INTS4: variants seen among roughly 807,000 people sequenced by gnomAD.
INTS4 encodes integrator complex subunit 4.
A neutral mutation model predicts 119.5 loss-of-function variants in INTS4; 70 were observed. The ratio of observed to expected loss-of-function variants is 0.59; its 90% CI spans 0.48 to 0.71. INTS4 has a LOEUF of 0.71. Among genes scored for constraint, INTS4 ranks in the 30% least tolerant of loss-of-function variants. The pLI, the probability that INTS4 is intolerant of heterozygous loss-of-function variation, is 0.00. For missense variants in INTS4, 867 were observed against 1,173.2 expected, an observed-to-expected ratio of 0.74 and a Z score of 3.81; for synonymous variants, 316 against 419.6, an observed-to-expected ratio of 0.75 and a Z score of 3.02.
At chr11:77,981,867 C>T (rs1327231325) in intron 2 of INTS4, among the ~76,000 whole-genome samples, 1 of 151,970 alleles carries the variant, frequency 6.6e-6, no homozygotes, top group African/African-American at 2.4e-5. Flanking sequence ...ACAGCTTTCT[C>T]AGTTGATACA....
chr11:77,895,089 T>C (rs1053597605), intron 18 of INTS4, among the ~76,000 whole-genome samples: 13 of 152,142 alleles, frequency 8.5e-5, no homozygotes, highest in Admixed American at 2.0e-4. Context: ...CTTGAATTAC[T>C]TGGCCTCACA....
chr11:77,897,420 G>T (rs906629036), intron 18 of INTS4, among the ~76,000 whole-genome samples: 6 of 151,136 alleles, frequency 4.0e-5, no homozygotes, highest in African/African-American at 1.2e-4. Flanking sequence ...AACTTTAAAA[G>T]ATTATATTTA....
intron 2 of INTS4, among the ~76,000 whole-genome samples, chr11:77,990,351 A>G (rs556726782): frequency 2.0e-5 from 3 of 152,226 alleles, no homozygotes; most frequent in African/African-American, 7.2e-5. Context: ...TGATGATGCC[A>G]CTAAACTCTA....
chr11:77,898,974 C>T (rs554055138), intron 18 of INTS4, among the ~76,000 whole-genome samples: 4 of 152,230 alleles, frequency 2.6e-5, no homozygotes, highest in East Asian at 3.9e-4. Context: ...GAGTTGAGAT[C>T]GTGCCACTGC....
chr11:77,938,919 G>A, intron 9 of INTS4, 94 bp from the exon 10 acceptor site: 1 of 848,148 alleles, frequency 1.2e-6, no homozygotes, highest in Non-Finnish European at 1.8e-6. Flanking sequence ...AAATAAAACT[G>A]CTCTTTGAGA....
At chr11:77,931,958 T>TA (rs1328912871) in intron 10 of INTS4, among the ~76,000 whole-genome samples, 1 of 152,232 alleles carries the variant, frequency 6.6e-6, no homozygotes, top group Non-Finnish European at 1.5e-5. Flanking sequence ...ATTAAAGACT[T>TA]AAACATAAGA....
At chr11:77,988,132 T>C (rs1434522493) in intron 2 of INTS4, among the ~76,000 whole-genome samples, 1 of 152,242 alleles carries the variant, frequency 6.6e-6, no homozygotes, top group Non-Finnish European at 1.5e-5. Context: ...GAAACATTTA[T>C]AATGTCCCTT....
chr11:77,972,969 T>G (rs1591129107), intron 4 of INTS4, among the ~76,000 whole-genome samples: 1 of 151,760 alleles, frequency 6.6e-6, no homozygotes, highest in South Asian at 2.1e-4. Context: ...GCTTCCCAAA[T>G]AGCGGAGACA....
Position 77,891,428 on chromosome 11 carries a change from G to C in INTS4, c.2483C>G (p.Ala828Gly). 1.9e-6 allele frequency: 3 copies of C among 1,613,598 alleles called. No homozygotes were observed. The highest frequency in any genetic ancestry group is 2.5e-6 in the Non-Finnish European group (3 of 1,179,754). The change falls in exon 21 of 23, where the codon GCG becomes GGG. Residue 828 changes from alanine to glycine, a missense_variant. By Grantham distance (60) the Ala-to-Gly change is moderately conservative. This residue lies in a region of INTS4 where 262 missense variants were observed against 376.0 expected (regional missense o/e 0.70). Coordinates refer to ENST00000534064, the MANE Select transcript of INTS4 (RefSeq NM_033547.4). Reference sequence around the variant, plus strand: ...CCGCAAAGGGTTGTCTGACTCGCCCGCTGGCTCGATGATGGTGGCTGAGGC... The same window carrying C: ...CCGCAAAGGGTTGTCTGACTCGCCCCCTGGCTCGATGATGGTGGCTGAGGC... ...HKASATIIEP[A>G]GESDNPLRFT...
chr11:77,933,177 T>C (rs1337858986), intron 10 of INTS4, among the ~76,000 whole-genome samples: 2 of 152,036 alleles, frequency 1.3e-5, no homozygotes, highest in Non-Finnish European at 2.9e-5. Context: ...ATGTTAAAAG[T>C]GGCCCTCTCC....
At chr11:77,920,618 C>T (rs1348557583) in intron 14 of INTS4, among the ~76,000 whole-genome samples, 4 of 151,626 alleles carry the variant, frequency 2.6e-5, no homozygotes, top group Admixed American at 6.6e-5. Context: ...TTTGGGAGGC[C>T]GAGGCAGGCA....
chr11:77,980,729 G>A (rs1856172819), intron 3 of INTS4, among the ~76,000 whole-genome samples: 2 of 152,100 alleles, frequency 1.3e-5, no homozygotes, highest in African/African-American at 4.8e-5. Flanking sequence ...AGTGGCTCAC[G>A]CCTGTAATTC....
intron 18 of INTS4, among the ~76,000 whole-genome samples, chr11:77,894,616 A>C (rs192706047): frequency 6.6e-6 from 1 of 152,346 alleles, no homozygotes; most frequent in African/African-American, 2.4e-5. Context: ...CACTAGACTC[A>C]CTACGAATAC....
At chr11:77,883,767 C>T (rs944464979) in intron 22 of INTS4, 65 bp downstream of exon 22, 24 of 1,544,740 alleles carry the variant, frequency 1.6e-5, no homozygotes, top group African/African-American at 1.4e-4. Flanking sequence ...AAAAACCAAA[C>T]GCTTAAGGGT....
chr11:77,932,063 C>T (rs187290779), intron 10 of INTS4, among the ~76,000 whole-genome samples: 15 of 152,214 alleles, frequency 9.9e-5, no homozygotes, highest in East Asian at 3.9e-4. Context: ...CCAAAAGCAA[C>T]GGCAATGAAG....
At chr11:77,902,400 G>A (rs1001773445) in intron 17 of INTS4, among the ~76,000 whole-genome samples, 1 of 152,114 alleles carries the variant, frequency 6.6e-6, no homozygotes, top group African/African-American at 2.4e-5. Flanking sequence ...TCGGGTTCTA[G>A]TCATTAAATT....
chr11:77,918,627 T>C (rs1039105174), intron 15 of INTS4, among the ~76,000 whole-genome samples, 194 bp downstream of exon 15: 11 of 152,116 alleles, frequency 7.2e-5, no homozygotes, highest in Non-Finnish European at 1.6e-4. Flanking sequence ...AATCGAGTCA[T>C]GAATATAAAG....
At chr11:77,919,976 T>G (rs1348040601) in intron 14 of INTS4, among the ~76,000 whole-genome samples, 1 of 151,856 alleles carries the variant, frequency 6.6e-6, no homozygotes, top group Non-Finnish European at 1.5e-5. Flanking sequence ...GCCCAGTTAA[T>G]TTTTGTATTT....
intron 16 of INTS4, among the ~76,000 whole-genome samples, chr11:77,907,249 T>C (rs531748677): frequency 2.6e-5 from 4 of 152,238 alleles, no homozygotes; most frequent in Admixed American, 2.0e-4. Flanking sequence ...TACTTTAAAT[T>C]TTCTTGTAGA....
Sources: allele counts gnomAD v4.1 joint callset (sites outside exome capture counted in the v4.1 genomes callset), GRCh38; gene constraint gnomAD v4.1.1; regional missense constraint gnomAD v4.1.1; transcripts MANE v1.5; gene names NCBI Gene and HGNC (gene_info 2026-07-23, HGNC 2026-07-21).